NRG1: variants seen among roughly 807,000 people sequenced by gnomAD.
NRG1 encodes pro-neuregulin-1, membrane-bound isoform.
A neutral mutation model predicts 63.8 loss-of-function variants in NRG1; 18 were observed. The ratio of observed to expected loss-of-function variants is 0.28; its 90% CI spans 0.19 to 0.42. The LOEUF is 0.42. Ranked by LOEUF, NRG1 falls within the 10% of genes least tolerant of loss-of-function variation. NRG1 has a pLI of 1.00. For synonymous variants in NRG1, 302 were observed against 301.3 expected (o/e 1.00, Z -0.02); for missense variants, 762 against 814.7 (o/e 0.94, Z 0.79).
chr8:32,207,439 T>C (rs910444764), intron 1 of NRG1, among the ~76,000 whole-genome samples: 2 of 152,178 alleles, frequency 1.3e-5, no homozygotes, highest in Non-Finnish European at 2.9e-5. Context: ...TTTTTTCTTC[T>C]GGAAATTTTG....
At chr8:32,443,466 G>A (rs572321824) in intron 1 of NRG1, among the ~76,000 whole-genome samples, 1 of 152,162 alleles carries the variant, frequency 6.6e-6, no homozygotes, top group Non-Finnish European at 1.5e-5. Context: ...GATGCAGCAA[G>A]GTGAACCTGG....
intron 6 of NRG1, among the ~76,000 whole-genome samples, chr8:32,733,560 T>C (rs1351770545): frequency 2.0e-5 from 3 of 152,178 alleles, no homozygotes; most frequent in Non-Finnish European, 4.4e-5. Context: ...CCTTGAGCAG[T>C]AGGGTATTAA....
intron 5 of NRG1, chr8:32,647,489 C>T (rs1012431180): frequency 1.0e-6 from 1 of 985,276 alleles, no homozygotes; most frequent in African/African-American, 1.7e-5. Flanking sequence ...GAAAAGTGGC[C>T]CAGAAACAGC....
At chr8:32,257,130 T>C (rs1849815224) in intron 1 of NRG1, among the ~76,000 whole-genome samples, 1 of 152,152 alleles carries the variant, frequency 6.6e-6, no homozygotes, top group African/African-American at 2.4e-5. Context: ...TGGACACCCC[T>C]CCCCTAACCA....
chr8:32,008,912 A>G (rs546087088), intron 1 of NRG1, among the ~76,000 whole-genome samples: 1 of 152,186 alleles, frequency 6.6e-6, no homozygotes, highest in East Asian at 1.9e-4. Flanking sequence ...AAATCTGCAC[A>G]TCACTCATCT....
intron 1 of NRG1, among the ~76,000 whole-genome samples, chr8:32,358,951 AG>A (rs1380745582): frequency 1.3e-5 from 2 of 152,142 alleles, no homozygotes; most frequent in Admixed American, 1.3e-4. Flanking sequence ...GGCAGAGGGC[AG>A]GGGTGAGGTA....
chr8:31,744,182 G>C (rs1442678657), intron 1 of NRG1, among the ~76,000 whole-genome samples: 2 of 151,888 alleles, frequency 1.3e-5, no homozygotes, highest in Admixed American at 1.3e-4. Context: ...CTCTGTCCTA[G>C]ATATAAAGAA....
chr8:31,741,710 A>G (rs1815294372), intron 1 of NRG1, among the ~76,000 whole-genome samples: 1 of 152,032 alleles, frequency 6.6e-6, no homozygotes, highest in Admixed American at 6.6e-5. Flanking sequence ...AGAAATTATG[A>G]CAATAAGTTT....
intron 1 of NRG1, among the ~76,000 whole-genome samples, chr8:31,738,520 T>C (rs186787105): frequency 5.5e-4 from 83 of 152,274 alleles, no homozygotes; most frequent in African/African-American, 1.9e-3. Flanking sequence ...TAATACACAT[T>C]ATTATCATAC....
chr8:32,015,615 C>A (rs554086141), intron 1 of NRG1, among the ~76,000 whole-genome samples: 3 of 152,032 alleles, frequency 2.0e-5, no homozygotes, highest in African/African-American at 7.3e-5. Context: ...GACACTTGTG[C>A]GCACGTAAAT....
chr8:32,370,276 A>G (rs772767353), intron 1 of NRG1, among the ~76,000 whole-genome samples: 2 of 152,236 alleles, frequency 1.3e-5, no homozygotes, highest in Non-Finnish European at 2.9e-5. Flanking sequence ...TTTAAAATAT[A>G]TAGTCTATGC....
intron 1 of NRG1, among the ~76,000 whole-genome samples, chr8:31,655,609 A>G (rs1805357478): frequency 6.6e-6 from 1 of 152,240 alleles, no homozygotes; most frequent in Non-Finnish European, 1.5e-5. Context: ...ATTTTATCTT[A>G]AAAACAGGGG....
chr8:32,306,004 A>AT (rs1856149333), intron 1 of NRG1, among the ~76,000 whole-genome samples: 1 of 149,126 alleles, frequency 6.7e-6, no homozygotes, highest in African/African-American at 2.4e-5. Flanking sequence ...AGTTAAGAGT[A>AT]TTTTTGTGGA....
intron 5 of NRG1, among the ~76,000 whole-genome samples, chr8:32,644,493 C>A (rs1233474228): frequency 6.6e-6 from 1 of 152,154 alleles, no homozygotes; most frequent in Non-Finnish European, 1.5e-5. Flanking sequence ...ATGGAGAATT[C>A]TTTTATTCTT....
At chr8:32,480,503 A>C (rs1398719664) in intron 1 of NRG1, among the ~76,000 whole-genome samples, 1 of 152,172 alleles carries the variant, frequency 6.6e-6, no homozygotes, top group Non-Finnish European at 1.5e-5. Flanking sequence ...AAAAAACAAA[A>C]AAAACGAGGC....
At chr8:32,116,817 ATAATT>A (rs900743268) in intron 1 of NRG1, among the ~76,000 whole-genome samples, 3 of 151,960 alleles carry the variant, frequency 2.0e-5, no homozygotes, top group Non-Finnish European at 4.4e-5. Flanking sequence ...AATTCATTCT[ATAATT>A]TAAGTTTTGG....
At chr8:31,944,796 G>A (rs1048800169) in intron 1 of NRG1, among the ~76,000 whole-genome samples, 2 of 152,164 alleles carry the variant, frequency 1.3e-5, no homozygotes, top group Admixed American at 6.5e-5. Context: ...AGCAATTTAC[G>A]CAGTAGGTAT....
intron 1 of NRG1, among the ~76,000 whole-genome samples, chr8:32,048,307 ATATATGTATGTATATACATATG>A (rs1362063167): frequency 1.5e-3 from 220 of 150,528 alleles, no homozygotes; most frequent in African/African-American, 5.1e-3. Flanking sequence ...ATATTCATAC[ATATATGTATGTATATACATATG>A]TACATGTATG....
intron 1 of NRG1, among the ~76,000 whole-genome samples, chr8:32,425,207 C>A (rs1453970873): frequency 6.6e-6 from 1 of 152,200 alleles, no homozygotes; most frequent in Non-Finnish European, 1.5e-5. Context: ...ATGCATGCCT[C>A]TTTGGAATGG....
Sources: allele counts gnomAD v4.1 joint callset (sites outside exome capture counted in the v4.1 genomes callset), GRCh38; gene constraint gnomAD v4.1.1; transcripts MANE v1.5; gene names NCBI Gene and HGNC (gene_info 2026-07-23, HGNC 2026-07-21).